Variants in SLC46A2 observed in about 807,000 individuals in gnomAD.
The protein encoded by SLC46A2 is solute carrier family 46 member 2.
In SLC46A2, 25 loss-of-function variants were observed where a neutral mutation model predicts 33.1. That is an observed-to-expected ratio of 0.76 (90% CI 0.55 to 1.06). The LOEUF (loss-of-function observed/expected upper bound fraction) is 1.06, where lower values mean the gene tolerates loss of function less well. Ranked by LOEUF, SLC46A2 falls within the 50% of genes least tolerant of loss-of-function variation. SLC46A2 has a pLI of 0.00. For missense variants in SLC46A2, 622 were observed against 621.7 expected (o/e 1.00, Z 0.00); for synonymous variants, 254 against 275.9 (o/e 0.92, Z 0.79).
At chr9:112,879,897 T>C in intron 3 of SLC46A2, 78 bp from the exon 4 acceptor site, 1 of 1,373,282 alleles carries the variant, frequency 7.3e-7, no homozygotes, top group Middle Eastern at 1.8e-4. Flanking sequence ...ACAGGGTTAA[T>C]GATAATTACA....
chr9:112,889,740 A>G lies in SLC46A2; in HGVS notation c.942T>C (p.Gly314=), dbSNP rs748258582. The G allele has an allele frequency of 4.3e-6, 7 of 1,613,978 alleles. No homozygotes were observed. In the African/African-American group the frequency reaches 9.3e-5, roughly 22 times the overall value. Residue 314 remains glycine (G), a synonymous_variant, in exon 1 of 4, where the codon GGT becomes GGC. Transcript: ENST00000374228. ...CATAGCCCACCTGCACTTGGTTCCA[A>G]CCGAGAGGCTCCCTCAGCACAAAAA... ...IPLFVLREPL[G]WNQVQVGYGM... is the part of the protein sequence containing the mutation.
rs1395794768 is a variant in SLC46A2 at position 112,887,944 on chromosome 9, TGTGA to T, written c.1130-535_1130-532del. Among the ~76,000 whole-genome samples, 317 of 143,616 alleles carry T rather than the reference TGTGA, an allele frequency of 2.2e-3. 1 individual carries two copies. The highest frequency in any genetic ancestry group is 6.9e-3 in the Middle Eastern group (2 of 288). The allele number at this position is 143,616 out of a possible 152,430, so 94.2% of individuals were successfully genotyped here. On this transcript the variant is annotated intron_variant, in intron 1 of 3. Transcript: ENST00000374228. ...GTGTGTGTGTGTGTGTGTGTGTGTGTGTGAGAGAGAGAGAGAGAGAGAACGCACA... is the reference window on the plus strand; with the variant it reads ...GTGTGTGTGTGTGTGTGTGTGTGTGTGAGAGAGAGAGAGAGAGAACGCACA...
chr9:112,886,718 CT>C, intron 2 of SLC46A2, 102 bp from the exon 3 acceptor site: 1 of 531,358 alleles, frequency 1.9e-6, no homozygotes, highest in Non-Finnish European at 2.8e-6. Context: ...TTCCTTCTTA[CT>C]CTCTCTCTCT....
At chr9:112,886,216 C>T (rs1841640576) in intron 3 of SLC46A2, among the ~76,000 whole-genome samples, 1 of 152,170 alleles carries the variant, frequency 6.6e-6, no homozygotes. Flanking sequence ...ATAAAACTGC[C>T]AAAGAGTGAG....
rs371414131 is a variant in SLC46A2 at position 112,890,464 on chromosome 9, G to C, written c.218C>G (p.Ala73Gly). Reference protein sequence around the residue: ...RGALEDQQQRAISNFYIIYNL... With the variant: ...RGALEDQQQRGISNFYIIYNL... ...GTAGATAATGTAGAAATTGGAGATGGCTCTCTGCTGTTGGTCCTCTAGAGC... is the reference window on the plus strand; with the variant it reads ...GTAGATAATGTAGAAATTGGAGATGCCTCTCTGCTGTTGGTCCTCTAGAGC... The change falls in exon 1 of 4, where the codon GCC (alanine) becomes GGC (glycine). Residue 73 changes from alanine (A) to glycine (G), a missense_variant. Transcript: ENST00000374228. This position sits in a 1 kb window ranked among gnomAD's most constrained non-coding sequence, Gnocchi z 6.0. 6.2e-7 allele frequency: 1 copy of C among 1,614,222 alleles called. No individual in the cohort carries two copies.
In SLC46A2 at chr9:112,879,483, G is replaced by A; in HGVS notation, c.*279C>T. ...GGCCTGGGACTGCTGTGTGCAGCCTGCCTGTAACCCTTAAGGTCATGCTCT... is the reference window on the plus strand; with the variant it reads ...GGCCTGGGACTGCTGTGTGCAGCCTACCTGTAACCCTTAAGGTCATGCTCT... On this transcript the variant is annotated 3_prime_UTR_variant, in exon 4 of 4. Coordinates refer to ENST00000374228, the MANE Select transcript of SLC46A2 (RefSeq NM_033051.4). 1 of 371,900 alleles carries A rather than the reference G, an allele frequency of 2.7e-6. No individual in the cohort carries two copies. The highest frequency in any genetic ancestry group is 5.2e-5 in the South Asian group (1 of 19,374). 23.0% of individuals were successfully genotyped at this position (371,900 alleles called of 1,614,324 possible). A position where few individuals can be genotyped will look rare whatever the true frequency, so the allele number is the denominator to read the frequency against.
In SLC46A2 at chr9:112,890,303, C is replaced by T; in HGVS notation, c.379G>A (p.Val127Met). Residue 127 changes from valine to methionine, a missense_variant, in exon 1 of 4, where the codon GTG (valine) becomes ATG (methionine). Physicochemically the swap from Val to Met is conservative, Grantham distance 21 (BLOSUM62 1). Transcript: ENST00000374228. This position sits in a 1 kb window ranked among gnomAD's most constrained non-coding sequence, Gnocchi z 6.0. Reference protein sequence around the residue: ...LLSRLGLLLKVLLDWPVEVLY... With the variant: ...LLSRLGLLLKMLLDWPVEVLY... ...ACCTCCACTGGCCAGTCCAGCAGCA[C>T]CTTGAGCAGCAGCCCGAGGCGGGAG... The T allele has an allele frequency of 1.2e-6, 2 of 1,613,776 alleles. No individual in the cohort carries two copies. The highest frequency in any genetic ancestry group is 1.3e-5 in the African/African-American group (1 of 75,062).
Position 112,889,875 on chromosome 9 carries a change from G to A in SLC46A2, c.807C>T (p.His269=), listed in dbSNP as rs1181871528. The change falls in exon 1 of 4, where the codon CAC becomes CAT. Residue 269 remains histidine, a synonymous_variant. Coordinates refer to ENST00000374228, the MANE Select transcript of SLC46A2 (RefSeq NM_033051.4). ...DQLDQQYAVG[H]PPSPGKAKPH... ...GTTTTGCTTTTCCAGGAGATGGAGG[G>A]TGCCCCACTGCATACTGTTGGTCCA... 1.9e-6 allele frequency: 3 copies of A among 1,614,116 alleles called. No homozygotes were observed. The highest frequency in any genetic ancestry group is 1.1e-5 in the South Asian group (1 of 91,094).
chr9:112,879,936 G>C (rs896897404), intron 3 of SLC46A2, 117 bp from the exon 4 acceptor site: 1 of 891,306 alleles, frequency 1.1e-6, no homozygotes, highest in Non-Finnish European at 1.8e-6. Flanking sequence ...ATCATAGGTA[G>C]GCATTGACCA....
chr9:112,889,831 G>C lies in SLC46A2; in HGVS notation c.851C>G (p.Ala284Gly). 6.2e-7 allele frequency: 1 copy of C among 1,614,198 alleles called. No homozygotes were observed. The highest frequency in any genetic ancestry group is 8.5e-7 in the Non-Finnish European group (1 of 1,180,046). Residue 284 changes from alanine to glycine, a missense_variant, in exon 1 of 4, where the codon GCC becomes GGC. Ala to Gly is a moderately conservative substitution (Grantham distance 60). Transcript: ENST00000374228. ...GKAKPHKTTI[A>G]LLFVGAIIYD... ...TATGATAGCACCCACAAAGAGCAAG[G>C]CAATGGTGGTTTTATGGGGTTTTGC...
At chr9:112,889,478 C>G in intron 1 of SLC46A2, 75 bp downstream of exon 1, 1 of 1,496,706 alleles carries the variant, frequency 6.7e-7, no homozygotes, top group Non-Finnish European at 9.0e-7. Context: ...ACACCCAGAC[C>G]ATGGCATCCC....
Position 112,889,893 on chromosome 9 carries a change from T to C in SLC46A2, c.789A>G (p.Gln263=), listed in dbSNP as rs1406986298. ...YRTLDPDQLD[Q]QYAVGHPPSP... ...ATGGAGGGTGCCCCACTGCATACTGTTGGTCCAACTGATCAGGATCCAGAG... is the reference window on the plus strand; with the variant it reads ...ATGGAGGGTGCCCCACTGCATACTGCTGGTCCAACTGATCAGGATCCAGAG... Residue 263 remains glutamine, a synonymous_variant, in exon 1 of 4, where the codon CAA becomes CAG. Coordinates refer to ENST00000374228, the MANE Select transcript of SLC46A2 (RefSeq NM_033051.4). The C allele has an allele frequency of 6.2e-7, 1 of 1,614,204 alleles. No individual in the cohort carries two copies. Among genetic ancestry groups the C allele is most frequent in the Admixed American group, 1.7e-5 (1 of 60,026 alleles).
intron 1 of SLC46A2, 35 bp downstream of exon 1, chr9:112,889,518 G>A: frequency 6.4e-7 from 1 of 1,568,242 alleles, no homozygotes; most frequent in Admixed American, 1.8e-5. Context: ...CAGAGGGCTA[G>A]CAATGTCCTG....
intron 3 of SLC46A2, among the ~76,000 whole-genome samples, chr9:112,881,837 G>C (rs527932062): frequency 8.9e-4 from 135 of 152,324 alleles, no homozygotes; most frequent in African/African-American, 2.9e-3. Flanking sequence ...AATATAGGAA[G>C]CTCTGGGAGC....
In SLC46A2 at chr9:112,889,959, G is replaced by A. The variant is rs577863419; in HGVS notation, c.723C>T (p.Pro241=). ...CCGTGCCAGACACGGTATCCACGGC[G>A]GGGAGCTCCTGGCTGGGTTTGGCCA... ...ESVAKPSQEL[P]AVDTVSGTVG... The change falls in exon 1 of 4, where the codon CCC becomes CCT. Residue 241 remains proline (P), a synonymous_variant. Transcript: ENST00000374228. 1.4e-5 allele frequency: 23 copies of A among 1,614,166 alleles called. No individual in the cohort carries two copies. The Admixed American group carries it at 2.8e-4, about 20-fold the overall frequency.
At chr9:112,886,907 G>A (rs1405113816) in intron 2 of SLC46A2, among the ~76,000 whole-genome samples, 2 of 151,898 alleles carry the variant, frequency 1.3e-5, no homozygotes, top group Non-Finnish European at 2.9e-5. Context: ...AATTTTTTTT[G>A]TTTAGAGATG....
At chr9:112,889,419 T>C (rs1378280098) in intron 1 of SLC46A2, 134 bp downstream of exon 1, 24 of 783,064 alleles carry the variant, frequency 3.1e-5, no homozygotes, top group Non-Finnish European at 4.9e-5. Context: ...TAATCTTGTG[T>C]CCCTTGTGCC....
chr9:112,884,606 G>T (rs563346619), intron 3 of SLC46A2, among the ~76,000 whole-genome samples: 4 of 152,206 alleles, frequency 2.6e-5, no homozygotes, highest in Non-Finnish European at 5.9e-5. Context: ...TCTCTGGTGG[G>T]TGGGATCCTG....
In SLC46A2 at chr9:112,890,449, T is replaced by C; in HGVS notation, c.233A>G (p.Tyr78Cys). 6.2e-7 allele frequency: 1 copy of C among 1,614,144 alleles called. No individual in the cohort carries two copies. Among genetic ancestry groups the C allele is most frequent in the Non-Finnish European group, 8.5e-7 (1 of 1,180,020 alleles). ...DQQQRAISNF[Y>C]IIYNLVVGLS... Reference sequence around the variant, plus strand: ...GCCCACCACAAGGTTGTAGATAATGTAGAAATTGGAGATGGCTCTCTGCTG... The same window carrying C: ...GCCCACCACAAGGTTGTAGATAATGCAGAAATTGGAGATGGCTCTCTGCTG... Residue 78 changes from tyrosine (Y) to cysteine (C), a missense_variant, in exon 1 of 4, where the codon TAC (tyrosine) becomes TGC (cysteine). Coordinates refer to ENST00000374228, the MANE Select transcript of SLC46A2 (RefSeq NM_033051.4). This position sits in a 1 kb window ranked among gnomAD's most constrained non-coding sequence, Gnocchi z 6.0.
Sources: allele counts gnomAD v4.1 joint callset (sites outside exome capture counted in the v4.1 genomes callset), GRCh38; gene constraint gnomAD v4.1.1; non-coding constraint Gnocchi (gnomAD v3.1); transcripts MANE v1.5; gene names NCBI Gene and HGNC (gene_info 2026-07-23, HGNC 2026-07-21).